OSBPL10: variants seen among roughly 807,000 people sequenced by gnomAD.
The protein encoded by OSBPL10 is oxysterol binding protein like 10, also known as oxysterol-binding protein-related protein 10.
OSBPL10 carries 49 observed loss-of-function variants against 81.7 expected under a neutral mutation model. The ratio of observed to expected loss-of-function variants is 0.60; its 90% CI spans 0.48 to 0.76. OSBPL10 has a LOEUF of 0.76. Ranked by LOEUF, OSBPL10 falls within the 30% of genes least tolerant of loss-of-function variation. The pLI, the probability that OSBPL10 is intolerant of heterozygous loss-of-function variation, is 0.00. For missense variants in OSBPL10, 923 were observed against 987.8 expected (o/e 0.93, Z 0.88); for synonymous variants, 419 against 383.6 (o/e 1.09, Z -1.08).
At chr3:31,927,937 G>A (rs747916207) in intron 1 of OSBPL10, among the ~76,000 whole-genome samples, 2 of 152,148 alleles carry the variant, frequency 1.3e-5, no homozygotes, top group African/African-American at 2.4e-5. Context: ...GTCGGGAACA[G>A]GGAGGCTGCC....
At chr3:32,045,647 G>T (rs1046090612) in intron 2 of OSBPL10, among the ~76,000 whole-genome samples, 1 of 152,232 alleles carries the variant, frequency 6.6e-6, no homozygotes, top group African/African-American at 2.4e-5. Flanking sequence ...AACTATGCCA[G>T]CCTCTCAAGG....
intron 1 of OSBPL10, among the ~76,000 whole-genome samples, chr3:31,976,601 A>AGCC (rs1310288134): frequency 3.3e-5 from 5 of 152,144 alleles, no homozygotes; most frequent in Non-Finnish European, 7.3e-5. Flanking sequence ...TACAGGCCTA[A>AGCC]GCCACCACCA....
chr3:31,981,113 G>A lies in OSBPL10; in HGVS notation c.67C>T (p.Arg23Cys), dbSNP rs1559541325. Residue 23 changes from arginine to cysteine, a missense_variant, in exon 1 of 12, where the codon CGT (arginine) becomes TGT (cysteine). By Grantham distance (180) the Arg-to-Cys change is radical. Around this residue, in one of 3 missense-constraint regions of OSBPL10, gnomAD observed 514 missense variants for 508.0 expected, o/e 1.01. Transcript: ENST00000396556. This position sits in a 1 kb window ranked among gnomAD's most constrained non-coding sequence, Gnocchi z 4.5. Reference protein sequence around the residue: ...GSNSSSRSSSRATSAGSSPSC... With the variant: ...GSNSSSRSSSCATSAGSSPSC... ...GGCGAGGAGCCCGCCGAGGTAGCACGGCTGCTGCTGCGGCTGCTGCTGTTG... is the reference window on the plus strand; with the variant it reads ...GGCGAGGAGCCCGCCGAGGTAGCACAGCTGCTGCTGCGGCTGCTGCTGTTG... 1.3e-6 allele frequency: 2 copies of A among 1,493,236 alleles called. No homozygotes were observed. Among genetic ancestry groups the A allele is most frequent in the Admixed American group, 4.5e-5 (2 of 44,338 alleles). 92.5% of individuals were successfully genotyped at this position (1,493,236 alleles called of 1,614,324 possible). A position where few individuals can be genotyped will look rare whatever the true frequency, so the allele number is the denominator to read the frequency against.
intron 7 of OSBPL10, among the ~76,000 whole-genome samples, chr3:31,695,438 C>T (rs1268922810): frequency 6.6e-6 from 1 of 152,118 alleles, no homozygotes. Context: ...ACCCATTGAC[C>T]TTTTACTGTC....
At chr3:31,978,254 C>T (rs2125501609) in intron 1 of OSBPL10, among the ~76,000 whole-genome samples, 1 of 152,162 alleles carries the variant, frequency 6.6e-6, no homozygotes. Context: ...AAAAGAACTG[C>T]CAAAGGAAGA....
intron 5 of OSBPL10, among the ~76,000 whole-genome samples, chr3:31,734,737 C>T (rs528845605): frequency 1.3e-5 from 2 of 152,102 alleles, no homozygotes; most frequent in South Asian, 4.2e-4. Flanking sequence ...GACACTGTCT[C>T]CAAAAAAGCT....
chr3:31,892,688 C>T lies in OSBPL10; in HGVS notation c.282-12858G>A, dbSNP rs1695930435. The stretch of plus-strand genomic sequence containing the variant: ...ATGCTGACCGGTAGTTCGACTGGGG[C>T]AGCAGGGTTCTGCTGCCTGAGGGAG... On this transcript the variant is annotated intron_variant, in intron 1 of 11. Coordinates refer to ENST00000396556, the MANE Select transcript of OSBPL10 (RefSeq NM_017784.5). Among the ~76,000 whole-genome samples, 4 of 152,134 alleles carry T rather than the reference C, an allele frequency of 2.6e-5. No homozygotes were observed. The South Asian group carries it at 6.2e-4, about 24-fold the overall frequency.
Position 31,702,516 on chromosome 3 carries a change from G to T in OSBPL10, c.1096-8C>A. ...TTCAGAGCCTGAGTTTGGCTAAAAT[G>T]AAATAATCAATAAAAATCACCAGCT... is the stretch of plus-strand genomic sequence containing the variant. On this transcript the variant is annotated splice_region_variant and splice_polypyrimidine_tract_variant and intron_variant, in intron 6 of 11. Coordinates refer to ENST00000396556, the MANE Select transcript of OSBPL10 (RefSeq NM_017784.5). The T allele has an allele frequency of 6.2e-7, 1 of 1,613,896 alleles. No individual in the cohort carries two copies. Among genetic ancestry groups the T allele is most frequent in the Non-Finnish European group, 8.5e-7 (1 of 1,179,924 alleles).
At chr3:31,827,066 G>A (rs943583770) in intron 4 of OSBPL10, among the ~76,000 whole-genome samples, 1 of 152,114 alleles carries the variant, frequency 6.6e-6, no homozygotes, top group African/African-American at 2.4e-5. Flanking sequence ...GGCTATAGAG[G>A]CATTTCATCT....
chr3:32,011,270 A>G (rs1213446810), intron 2 of OSBPL10, among the ~76,000 whole-genome samples: 3 of 152,112 alleles, frequency 2.0e-5, no homozygotes, highest in Admixed American at 6.5e-5. Flanking sequence ...AGGCAGCAAT[A>G]TTTGCTGTTC....
chr3:31,836,439 TATTTC>T (rs1451774257), intron 3 of OSBPL10, among the ~76,000 whole-genome samples: 3 of 152,276 alleles, frequency 2.0e-5, no homozygotes, highest in African/African-American at 4.8e-5. Flanking sequence ...CAAATGCATA[TATTTC>T]ATTTCCTGCA....
intron 1 of OSBPL10, among the ~76,000 whole-genome samples, chr3:31,926,289 G>GCCCCCCCCCCCCC (rs36122261): frequency 2.3e-5 from 3 of 130,196 alleles, no homozygotes; most frequent in African/African-American, 9.3e-5. Flanking sequence ...GGGTGATTTT[G>GCCCCCCCCCCCCC]CCCCCCCAGA....
chr3:31,965,193 T>C (rs141884669), intron 1 of OSBPL10, among the ~76,000 whole-genome samples: 2,874 of 150,478 alleles, frequency 0.019, 39 homozygotes, highest in Middle Eastern at 0.041. Context: ...CATGGTGAAA[T>C]CCCGTCTCTA....
At chr3:31,856,245 T>C (rs1392856614) in intron 3 of OSBPL10, among the ~76,000 whole-genome samples, 2 of 152,014 alleles carry the variant, frequency 1.3e-5, no homozygotes, top group Non-Finnish European at 2.9e-5. Context: ...TTGTTGCACT[T>C]TATTAAGACA....
At chr3:32,003,269 C>T (rs1699169277) in intron 2 of OSBPL10, among the ~76,000 whole-genome samples, 1 of 152,222 alleles carries the variant, frequency 6.6e-6, no homozygotes, top group African/African-American at 2.4e-5. Flanking sequence ...AGTATGTGTT[C>T]TCTGTTCAGG....
At chr3:32,035,042 A>G (rs1228485510) in intron 2 of OSBPL10, among the ~76,000 whole-genome samples, 1 of 152,196 alleles carries the variant, frequency 6.6e-6, no homozygotes, top group Non-Finnish European at 1.5e-5. Flanking sequence ...TCATGGAAGC[A>G]GCAGTGTCTA....
chr3:31,756,304 A>T (rs985780807), intron 4 of OSBPL10, among the ~76,000 whole-genome samples: 2 of 152,184 alleles, frequency 1.3e-5, no homozygotes, highest in South Asian at 4.2e-4. Context: ...AGAAAACAAC[A>T]ATGAGAAGGT....
chr3:31,756,708 G>C (rs901532321), intron 4 of OSBPL10, among the ~76,000 whole-genome samples: 9 of 152,214 alleles, frequency 5.9e-5, no homozygotes, highest in African/African-American at 7.2e-5. Flanking sequence ...ATTGGCTTTG[G>C]GGGTAGCTAA....
intron 4 of OSBPL10, among the ~76,000 whole-genome samples, chr3:31,763,235 A>C (rs1006153019): frequency 6.6e-6 from 1 of 152,334 alleles, no homozygotes; most frequent in East Asian, 1.9e-4. Context: ...ACATCATATA[A>C]AACAAAAAGA....
Sources: gnomAD v4.1 joint callset for allele counts (sites outside exome capture counted in the v4.1 genomes callset) on GRCh38, gnomAD v4.1.1 for gene constraint, gnomAD v4.1.1 regional missense constraint, Gnocchi (gnomAD v3.1) non-coding constraint, MANE v1.5 for transcripts, NCBI Gene and HGNC (gene_info 2026-07-23, HGNC 2026-07-21) for gene names.